ERAP2: variants seen among roughly 807,000 people sequenced by gnomAD.
ERAP2 encodes endoplasmic reticulum aminopeptidase 2, also known as leukocyte-derived arginine aminopeptidase.
ERAP2 carries 118 observed loss-of-function variants against 111.1 expected under a neutral mutation model. The ratio of observed to expected loss-of-function variants is 1.06; its 90% CI spans 0.92 to 1.24. The LOEUF is 1.24. Among genes scored for constraint, ERAP2 ranks in the 50% most tolerant of loss-of-function variants. The pLI is 0.00. For missense variants in ERAP2, 1,131 were observed against 1,125.8 expected, an observed-to-expected ratio of 1.00 and a Z score of -0.07; for synonymous variants, 410 against 401.2, an observed-to-expected ratio of 1.02 and a Z score of -0.26.
At chr5:96,908,018 A>C (rs1319827645) in intron 13 of ERAP2, among the ~76,000 whole-genome samples, 1 of 152,188 alleles carries the variant, frequency 6.6e-6, no homozygotes, top group African/African-American at 2.4e-5. Context: ...GTGATTGAGA[A>C]GATTAAAGGG....
chr5:96,886,726 C>G lies in ERAP2; in HGVS notation c.786C>G (p.Tyr262Ter). ...AAACTACTGTAAAAATGAGTACATACCTTGTAGCCTACATAGTTTGTGATT... is the reference window on the plus strand; with the variant it reads ...AAACTACTGTAAAAATGAGTACATAGCTTGTAGCCTACATAGTTTGTGATT... Reference protein sequence around the residue: ...HFETTVKMSTYLVAYIVCDFH... With the variant: ...HFETTVKMST Residue 262 changes from tyrosine (Y) to a stop codon, truncating the protein, a stop_gained, in exon 4 of 19, where the codon TAC becomes TAG. Coordinates refer to ENST00000437043, the MANE Select transcript of ERAP2 (RefSeq NM_022350.5). LOFTEE classifies it high-confidence loss of function. 1 of 1,548,956 alleles carries G rather than the reference C, an allele frequency of 6.5e-7. No individual in the cohort carries two copies. Among genetic ancestry groups the G allele is most frequent in the Middle Eastern group, 1.7e-4 (1 of 5,814 alleles).
chr5:96,883,886 A>G lies in ERAP2; in HGVS notation c.670A>G (p.Ile224Val), dbSNP rs1008012664. The change falls in exon 3 of 19, where the codon ATA becomes GTA. Residue 224 changes from isoleucine (I) to valine (V), a missense_variant. By Grantham distance (29) the Ile-to-Val change is conservative. Around this residue, in one of 3 missense-constraint regions of ERAP2, gnomAD observed 847 missense variants for 856.5 expected, o/e 0.99. Transcript: ENST00000437043. ...PLFKANFSIK[I>V]RRESRHIALS... is the part of the protein sequence containing the mutation. Reference sequence around the variant, plus strand: ...GTTCAAAGCCAACTTTTCAATCAAGATACGAAGAGAGAGCAGGCATATTGC... The same window carrying G: ...GTTCAAAGCCAACTTTTCAATCAAGGTACGAAGAGAGAGCAGGCATATTGC... 1 of 1,613,638 alleles carries G rather than the reference A, an allele frequency of 6.2e-7. No homozygotes were observed. Among genetic ancestry groups the G allele is most frequent in the East Asian group, 2.2e-5 (1 of 44,854 alleles).
At chr5:96,903,657 T>A in intron 13 of ERAP2, 97 bp downstream of exon 13, 1 of 1,149,268 alleles carries the variant, frequency 8.7e-7, no homozygotes, top group Non-Finnish European at 1.2e-6. Context: ...GTCATTGATT[T>A]AATATGGATT....
intron 10 of ERAP2, among the ~76,000 whole-genome samples, chr5:96,900,845 T>G (rs1485836165): frequency 6.6e-6 from 1 of 151,942 alleles, no homozygotes; most frequent in Non-Finnish European, 1.5e-5. Flanking sequence ...CCCGGCTAAT[T>G]TTTTTGTATT....
chr5:96,918,494 T>C lies in ERAP2; in HGVS notation c.*889T>C, dbSNP rs1163833974. 1 of 152,206 alleles carries C rather than the reference T, an allele frequency of 6.6e-6. No individual in the cohort carries two copies. The highest frequency in any genetic ancestry group is 1.5e-5 in the Non-Finnish European group (1 of 68,034). 9.4% of individuals were successfully genotyped at this position (152,206 alleles called of 1,614,324 possible). ...CCTTTTGGGTTAAGCCTTACATTCATGAAGAACCTCAAGGGTAGATTTTTG... is the reference window on the plus strand; with the variant it reads ...CCTTTTGGGTTAAGCCTTACATTCACGAAGAACCTCAAGGGTAGATTTTTG... On this transcript the variant is annotated 3_prime_UTR_variant, in exon 19 of 19. Coordinates refer to ENST00000437043, the MANE Select transcript of ERAP2 (RefSeq NM_022350.5).
intron 6 of ERAP2, 83 bp from the exon 7 acceptor site, chr5:96,895,163 A>AT: frequency 1.3e-6 from 1 of 776,076 alleles, no homozygotes. Context: ...ATAAAAAAAA[A>AT]GTTAGTAACT....
intron 2 of ERAP2, among the ~76,000 whole-genome samples, chr5:96,882,802 T>C (rs1181707292): frequency 2.0e-5 from 3 of 152,184 alleles, no homozygotes; most frequent in Non-Finnish European, 2.9e-5. Context: ...GCCTGTGTCA[T>C]AGAAATAAAG....
chr5:96,908,823 A>T, intron 13 of ERAP2, 138 bp from the exon 14 acceptor site: 1 of 833,942 alleles, frequency 1.2e-6, no homozygotes, highest in Non-Finnish European at 1.8e-6. Context: ...TCAGTGGCAG[A>T]GCTAAGATTT....
chr5:96,901,638 G>C lies in ERAP2; in HGVS notation c.1705G>C (p.Gly569Arg). The C allele has an allele frequency of 1.9e-6, 3 of 1,613,982 alleles. No homozygotes were observed. The South Asian group carries it at 3.3e-5, about 18-fold the overall frequency. Reference protein sequence around the residue: ...LRLQQERFLQGVFQEDPEWRA... With the variant: ...LRLQQERFLQRVFQEDPEWRA... ...ACTGCAACAGGAGCGCTTCCTCCAG[G>C]GGGTTTTCCAGGAAGACCCTGAATG... The change falls in exon 11 of 19, where the codon GGG becomes CGG. Residue 569 changes from glycine (G) to arginine (R), a missense_variant. Physicochemically the swap from Gly to Arg is moderately radical, Grantham distance 125. Around this residue, in one of 3 missense-constraint regions of ERAP2, gnomAD observed 847 missense variants for 856.5 expected, o/e 0.99. Transcript: ENST00000437043.
chr5:96,903,252 A>T, intron 12 of ERAP2, 125 bp from the exon 13 acceptor site: 1 of 714,282 alleles, frequency 1.4e-6, no homozygotes, highest in Non-Finnish European at 2.2e-6. Context: ...GAATATCATT[A>T]TGACTCTCCC....
intron 17 of ERAP2, 72 bp downstream of exon 17, chr5:96,913,529 C>T (rs998313056): frequency 1.3e-6 from 2 of 1,520,586 alleles, no homozygotes; most frequent in Admixed American, 3.5e-5. Flanking sequence ...CAAGTGTAAT[C>T]AAATGTTTCT....
chr5:96,913,759 C>G (rs1380837919), intron 17 of ERAP2, among the ~76,000 whole-genome samples: 2 of 152,196 alleles, frequency 1.3e-5, no homozygotes, highest in African/African-American at 4.8e-5. Context: ...CCCTTCTTGG[C>G]TCTCTCCTCA....
chr5:96,896,329 G>A (rs1784851849), intron 7 of ERAP2, 44 bp from the exon 8 acceptor site: 1 of 1,497,960 alleles, frequency 6.7e-7, no homozygotes, highest in Non-Finnish European at 9.2e-7. Flanking sequence ...TGCTTTTACA[G>A]TGTCAAATAG....
chr5:96,881,434 C>T (rs1449502611), intron 2 of ERAP2: 1 of 456,208 alleles, frequency 2.2e-6, no homozygotes, highest in Admixed American at 2.3e-5. Context: ...AAGGATGCTT[C>T]ATAGAGTGGA....
At chr5:96,894,243 A>G (rs1178060893) in intron 6 of ERAP2, among the ~76,000 whole-genome samples, 3 of 152,224 alleles carry the variant, frequency 2.0e-5, no homozygotes, top group Non-Finnish European at 2.9e-5. Context: ...GGCTAGAATC[A>G]GTTTATCCTG....
intron 3 of ERAP2, among the ~76,000 whole-genome samples, chr5:96,886,160 GA>G (rs1385185672): frequency 1.3e-5 from 2 of 152,136 alleles, no homozygotes; most frequent in Non-Finnish European, 2.9e-5. Flanking sequence ...CCTCACCTGA[GA>G]AACAACACCA....
intron 6 of ERAP2, among the ~76,000 whole-genome samples, 181 bp from the exon 7 acceptor site, chr5:96,895,065 G>A (rs1784729556): frequency 6.6e-6 from 1 of 152,038 alleles, no homozygotes; most frequent in Non-Finnish European, 1.5e-5. Context: ...CAAAAATGTG[G>A]TGGTGAGAAT....
At chr5:96,884,511 C>A (rs1783521332) in intron 3 of ERAP2, among the ~76,000 whole-genome samples, 1 of 151,944 alleles carries the variant, frequency 6.6e-6, no homozygotes, top group African/African-American at 2.4e-5. Context: ...ACAAGTAATT[C>A]TTAAATTTAT....
At position 96,889,307 on chromosome 5, in the gene ERAP2, T is replaced by A. The variant is rs769555702; in HGVS notation, c.970+2T>A. The A allele has an allele frequency of 6.2e-7, 1 of 1,614,056 alleles. No homozygotes were observed. The highest frequency in any genetic ancestry group is 2.2e-5 in the East Asian group (1 of 44,870). On this transcript the variant is annotated splice_donor_variant, in intron 5 of 18. Transcript: ENST00000437043. LOFTEE classifies it high-confidence loss of function. The stretch of plus-strand genomic sequence containing the variant: ...TCTACTATCCACTCTCCAAACTGGG[T>A]ATGTTCAAATTCCACATTATTGTCT...
Sources: gnomAD v4.1 joint callset for allele counts (sites outside exome capture counted in the v4.1 genomes callset) on GRCh38, gnomAD v4.1.1 for gene constraint, gnomAD v4.1.1 regional missense constraint, MANE v1.5 for transcripts, NCBI Gene and HGNC (gene_info 2026-07-23, HGNC 2026-07-21) for gene names.